Variants in TRAPPC8 observed in about 807,000 individuals in gnomAD.
TRAPPC8 encodes the protein trafficking protein particle complex subunit 8.
TRAPPC8 carries 54 observed loss-of-function variants against 174.3 expected under a neutral mutation model. That is an observed-to-expected ratio of 0.31 (90% CI 0.25 to 0.39). The LOEUF is 0.39. Among genes scored for constraint, TRAPPC8 ranks in the 10% least tolerant of loss-of-function variants. The probability of loss-of-function intolerance (pLI) is 1.00; values close to 1 mark genes in which losing one functional copy is unlikely to be tolerated. For missense variants in TRAPPC8, 1,531 were observed against 1,699.1 expected, an observed-to-expected ratio of 0.90 and a Z score of 1.74; for synonymous variants, 630 against 579.9, an observed-to-expected ratio of 1.09 and a Z score of -1.24.
intron 6 of TRAPPC8, 141 bp from the exon 7 acceptor site, chr18:31,909,151 C>G (rs571580141): frequency 2.2e-5 from 16 of 720,668 alleles, no homozygotes; most frequent in Non-Finnish European, 3.0e-5. Context: ...TAAGATAAAA[C>G]AGCAGTAACA....
intron 13 of TRAPPC8, 74 bp downstream of exon 13, chr18:31,874,406 T>C: frequency 2.9e-6 from 4 of 1,400,438 alleles, no homozygotes; most frequent in South Asian, 1.2e-5. Flanking sequence ...TATCGTAAGA[T>C]ATGGTAATAA....
rs2033635285 is a variant in TRAPPC8, at chr18:31,850,152, A to G, written c.3562-413T>C. Among the ~76,000 whole-genome samples the G allele has an allele frequency of 2.0e-5, 3 of 151,948 alleles. No homozygotes were observed. The South Asian group carries it at 6.2e-4, about 32-fold the overall frequency. ...GAGACGGGGTTTTGCCAGTTTTGCCATGTTACCCAGGGTGGTCTTGAACTA... is the reference window on the plus strand; with the variant it reads ...GAGACGGGGTTTTGCCAGTTTTGCCGTGTTACCCAGGGTGGTCTTGAACTA... On this transcript the variant is annotated intron_variant, in intron 24 of 28. Transcript: ENST00000283351.
chr18:31,910,357 C>T (rs1173436566), intron 5 of TRAPPC8, among the ~76,000 whole-genome samples: 5 of 152,134 alleles, frequency 3.3e-5, no homozygotes, highest in Non-Finnish European at 5.9e-5. Flanking sequence ...GAGTGTCACA[C>T]TTTGAGGGAA....
At chr18:31,921,544 AG>A (rs1240042082) in intron 2 of TRAPPC8, among the ~76,000 whole-genome samples, 2 of 148,632 alleles carry the variant, frequency 1.3e-5, no homozygotes, top group African/African-American at 2.5e-5. Context: ...TGAACTCGGG[AG>A]GTGGAGGTTG....
chr18:31,940,597 C>G (rs1279865206), intron 1 of TRAPPC8, among the ~76,000 whole-genome samples: 2 of 152,078 alleles, frequency 1.3e-5, no homozygotes, highest in Non-Finnish European at 2.9e-5. Context: ...CTCCCGGGTT[C>G]AAGTGATTCT....
In TRAPPC8 at chr18:31,917,699, G is replaced by A. The variant is rs557124197; in HGVS notation, c.353-32C>T. On this transcript the variant is annotated intron_variant, in intron 2 of 28. Transcript: ENST00000283351. ...TTAACAATATACAAAACAGTTAAAA[G>A]TATTCAATAGAATCAGTTTACAACA... 252 of 1,566,168 alleles carry A rather than the reference G, an allele frequency of 1.6e-4. 3 individuals carry two copies. In the South Asian group the frequency reaches 2.7e-3, roughly 17 times the overall value.
At chr18:31,835,818 G>A (rs1598578328) in intron 27 of TRAPPC8, among the ~76,000 whole-genome samples, 1 of 152,182 alleles carries the variant, frequency 6.6e-6, no homozygotes, top group African/African-American at 2.4e-5. Context: ...TTTGATGCAA[G>A]CAAAAGTCTT....
At chr18:31,861,936 A>AGGGGGGGG (rs398032373) in intron 19 of TRAPPC8, among the ~76,000 whole-genome samples, 1 of 64,268 alleles carries the variant, frequency 1.6e-5, no homozygotes, top group Non-Finnish European at 2.7e-5. Flanking sequence ...AAAAAAAAAA[A>AGGGGGGGG]GGGGGGGGGG....
chr18:31,942,218 C>T (rs2038375601), intron 1 of TRAPPC8, among the ~76,000 whole-genome samples: 1 of 152,174 alleles, frequency 6.6e-6, no homozygotes, highest in Non-Finnish European at 1.5e-5. Flanking sequence ...ACAGGTCTTC[C>T]TTACTCAGAC....
intron 14 of TRAPPC8, among the ~76,000 whole-genome samples, chr18:31,872,714 C>T (rs905473232): frequency 2.0e-5 from 3 of 151,936 alleles, no homozygotes; most frequent in Admixed American, 1.3e-4. Context: ...CCACCACACC[C>T]GGCCACAATA....
chr18:31,874,245 T>C, intron 13 of TRAPPC8: 1 of 487,778 alleles, frequency 2.1e-6, no homozygotes, highest in South Asian at 4.1e-5. Context: ...TTTAAGATTC[T>C]AAGAACAGCC....
chr18:31,836,431 C>G (rs2144934885), intron 27 of TRAPPC8, among the ~76,000 whole-genome samples: 1 of 152,194 alleles, frequency 6.6e-6, no homozygotes, highest in South Asian at 2.1e-4. Flanking sequence ...TAGAGAACTC[C>G]TAAACATCCT....
At chr18:31,940,801 A>T (rs921423763) in intron 1 of TRAPPC8, among the ~76,000 whole-genome samples, 14 of 152,158 alleles carry the variant, frequency 9.2e-5, no homozygotes, top group Admixed American at 1.3e-4. Flanking sequence ...CCGGCCGAAA[A>T]TTTTTTAATT....
At chr18:31,833,759 T>C (rs543677668) in intron 27 of TRAPPC8, among the ~76,000 whole-genome samples, 2 of 152,170 alleles carry the variant, frequency 1.3e-5, no homozygotes, top group Admixed American at 6.5e-5. Context: ...ATCCCAGCAT[T>C]TTGGGAGACC....
chr18:31,936,697 T>C (rs59908498), intron 1 of TRAPPC8, among the ~76,000 whole-genome samples: 1 of 139,040 alleles, frequency 7.2e-6, no homozygotes, highest in Non-Finnish European at 1.5e-5. Flanking sequence ...AGGTCGGGAG[T>C]TCGAGACTAG....
At chr18:31,889,223 G>A (rs929805473) in intron 12 of TRAPPC8, among the ~76,000 whole-genome samples, 3 of 152,192 alleles carry the variant, frequency 2.0e-5, no homozygotes, top group African/African-American at 7.2e-5. Context: ...ACAGTAAGAG[G>A]TGATTACGAA....
At chr18:31,908,175 T>C (rs920042006) in intron 8 of TRAPPC8, 128 bp downstream of exon 8, 7 of 494,942 alleles carry the variant, frequency 1.4e-5, no homozygotes, top group East Asian at 6.9e-5. Context: ...ACTCTTCTTA[T>C]CCACCTGAAT....
At chr18:31,860,371 T>TA (rs914529957) in intron 19 of TRAPPC8, among the ~76,000 whole-genome samples, 47 of 148,838 alleles carry the variant, frequency 3.2e-4, no homozygotes, top group Middle Eastern at 3.4e-3. Flanking sequence ...ACAATTGTAT[T>TA]AAAAAAAAAA....
chr18:31,877,745 G>GT (rs1723966221), intron 12 of TRAPPC8, among the ~76,000 whole-genome samples: 1 of 151,710 alleles, frequency 6.6e-6, no homozygotes, highest in Admixed American at 6.6e-5. Flanking sequence ...CCAACATGGT[G>GT]AAACCCCGTC....
Sources: gnomAD v4.1 joint callset for allele counts (sites outside exome capture counted in the v4.1 genomes callset) on GRCh38, gnomAD v4.1.1 for gene constraint, MANE v1.5 for transcripts, NCBI Gene and HGNC (gene_info 2026-07-23, HGNC 2026-07-21) for gene names.